Variants in REV1 observed in about 807,000 individuals in gnomAD.
The protein encoded by REV1 is REV1 DNA directed polymerase, also known as translesion synthesis protein REV1.
REV1 carries 42 observed loss-of-function variants against 137.4 expected under a neutral mutation model. The ratio of observed to expected loss-of-function variants is 0.31; its 90% CI spans 0.24 to 0.40. The LOEUF is 0.40. Among genes scored for constraint, REV1 ranks in the 10% least tolerant of loss-of-function variants. The pLI is 1.00. For synonymous variants in REV1, 524 were observed against 519.2 expected (o/e 1.01, Z -0.12); for missense variants, 1,282 against 1,490.1 (o/e 0.86, Z 2.30).
chr2:99,434,316 G>C lies in REV1; in HGVS notation c.1438+16C>G. 6.5e-7 allele frequency: 1 copy of C among 1,543,530 alleles called. No homozygotes were observed. Among genetic ancestry groups the C allele is most frequent in the Non-Finnish European group, 8.8e-7 (1 of 1,132,574 alleles). Reference sequence around the variant, plus strand: ...TCCACAGGAGCACTAAGACTTCAAAGAGAGCTCATTTGTACCTGCTTTGCC... The same window carrying C: ...TCCACAGGAGCACTAAGACTTCAAACAGAGCTCATTTGTACCTGCTTTGCC... On this transcript the variant is annotated intron_variant, in intron 8 of 22. Coordinates refer to ENST00000258428, the MANE Select transcript of REV1 (RefSeq NM_016316.4).
intron 12 of REV1, among the ~76,000 whole-genome samples, chr2:99,415,116 G>C (rs1006668860): frequency 6.6e-6 from 1 of 152,172 alleles, no homozygotes; most frequent in African/African-American, 2.4e-5. Context: ...CTCCTATTGA[G>C]TGGGGGTGGG....
chr2:99,464,565 T>A (rs1684593247), intron 2 of REV1, among the ~76,000 whole-genome samples: 1 of 152,220 alleles, frequency 6.6e-6, no homozygotes, highest in African/African-American at 2.4e-5. Context: ...TAAAGCTGAA[T>A]AATGACTGTA....
At position 99,466,324 on chromosome 2, in the gene REV1, C is replaced by T. The variant is rs541545253; in HGVS notation, c.-10-1339G>A. Among the ~76,000 whole-genome samples, 86 of 150,586 alleles carry T rather than the reference C, an allele frequency of 5.7e-4. 1 individual carries two copies. Among genetic ancestry groups the T allele is most frequent in the Admixed American group, 5.6e-3 (84 of 15,086 alleles). On this transcript the variant is annotated intron_variant, in intron 1 of 22. Transcript: ENST00000258428. ...GTGGCACGATCTCGGCTCACAACCA[C>T]CTCCGCCTCCCGGGTTCAAGTGATT...
At chr2:99,471,681 A>G (rs1381489763) in intron 1 of REV1, among the ~76,000 whole-genome samples, 3 of 152,116 alleles carry the variant, frequency 2.0e-5, no homozygotes, top group African/African-American at 7.2e-5. Flanking sequence ...ACACTTACCA[A>G]TATAAAGAAC....
intron 3 of REV1, among the ~76,000 whole-genome samples, chr2:99,450,820 G>A (rs1394151336): frequency 6.6e-6 from 1 of 152,040 alleles, no homozygotes; most frequent in Non-Finnish European, 1.5e-5. Context: ...AATCCAGTGG[G>A]TATTTTACAT....
At chr2:99,447,706 A>G (rs1401907744) in intron 4 of REV1, among the ~76,000 whole-genome samples, 2 of 151,610 alleles carry the variant, frequency 1.3e-5, no homozygotes, top group Admixed American at 1.3e-4. Context: ...GTCCTGAGTG[A>G]CTGCATAAAG....
rs142397096 is a variant in REV1, at chr2:99,410,642, C to T, written c.2345+53G>A. 7.4e-3 allele frequency: 10,661 copies of T among 1,443,932 alleles called. 46 individuals carry two copies. The highest frequency in any genetic ancestry group is 8.8e-3 in the Non-Finnish European group (9,359 of 1,069,458). 89.4% of individuals were successfully genotyped at this position (1,443,932 alleles called of 1,614,324 possible). On this transcript the variant is annotated intron_variant, in intron 14 of 22. Transcript: ENST00000258428. ...GGTTTTCTTCATTTTCTATTACTTACAACAACCTGTACTGAAATATAATTA... is the reference window on the plus strand; with the variant it reads ...GGTTTTCTTCATTTTCTATTACTTATAACAACCTGTACTGAAATATAATTA...
At chr2:99,420,107 A>G (rs1457835657) in intron 11 of REV1, among the ~76,000 whole-genome samples, 1 of 152,248 alleles carries the variant, frequency 6.6e-6, no homozygotes, top group Non-Finnish European at 1.5e-5. Context: ...TGTGCCTGAC[A>G]ATGGAATATA....
chr2:99,432,530 C>A (rs945056654), intron 8 of REV1, among the ~76,000 whole-genome samples: 7 of 152,124 alleles, frequency 4.6e-5, no homozygotes, highest in African/African-American at 1.7e-4. Context: ...AAAGGATAAT[C>A]TATTCATTTT....
chr2:99,468,779 AC>A, intron 1 of REV1, among the ~76,000 whole-genome samples: 1 of 152,180 alleles, frequency 6.6e-6, no homozygotes, highest in Non-Finnish European at 1.5e-5. Context: ...ATGCAAAAGT[AC>A]CCTTACCCTT....
upstream of REV1, chr2:99,490,092 C>CGCCCACGCCCCCTCCGCGGCCCA (rs1165996201): frequency 6.7e-6 from 1 of 149,630 alleles, no homozygotes; most frequent in African/African-American, 2.4e-5. Flanking sequence ...TCCCCGGCCC[C>CGCCCACGCCCCCTCCGCGGCCCA]GCTCGCGCTC....
chr2:99,455,492 C>A (rs1399884200), intron 3 of REV1, among the ~76,000 whole-genome samples: 1 of 152,112 alleles, frequency 6.6e-6, no homozygotes, highest in Non-Finnish European at 1.5e-5. Flanking sequence ...GTTTCAAATG[C>A]TTAGGGAACA....
chr2:99,482,474 T>C (rs565001534), intron 1 of REV1, among the ~76,000 whole-genome samples: 2 of 152,322 alleles, frequency 1.3e-5, no homozygotes, highest in South Asian at 4.1e-4. Context: ...CTGCAAGTCC[T>C]GGAGTTTGTA....
At chr2:99,410,962 T>C in intron 13 of REV1, 95 bp from the exon 14 acceptor site, 5 of 1,184,876 alleles carry the variant, frequency 4.2e-6, no homozygotes. Flanking sequence ...TTAAACATGT[T>C]GGTTACTCAC....
rs371935316 is a variant in REV1, at chr2:99,471,816, C to T, written c.-10-6831G>A. On this transcript the variant is annotated intron_variant, in intron 1 of 22. Transcript: ENST00000258428. ...AAGCACACAAAAAAACGTTCAGTGT[C>T]ATTAATCACTATGGAAATGCAAATA... Among the ~76,000 whole-genome samples the T allele has an allele frequency of 2.0e-4, 29 of 145,798 alleles. No homozygotes were observed. The East Asian group carries it at 4.3e-3, about 22-fold the overall frequency.
Position 99,443,307 on chromosome 2 carries a change from A to G in REV1, c.351-838T>C, listed in dbSNP as rs529114126. Among the ~76,000 whole-genome samples, 202 of 152,344 alleles carry G rather than the reference A, an allele frequency of 1.3e-3. 1 individual carries two copies. The highest frequency in any genetic ancestry group is 4.6e-3 in the African/African-American group (190 of 41,592). On this transcript the variant is annotated intron_variant, in intron 4 of 22. Transcript: ENST00000258428. Reference sequence around the variant, plus strand: ...GGATTTTAAACCTAAAATATATACCAAGGAATCATCCCTCAGTTATTTAGA... The same window carrying G: ...GGATTTTAAACCTAAAATATATACCGAGGAATCATCCCTCAGTTATTTAGA...
intron 1 of REV1, among the ~76,000 whole-genome samples, chr2:99,471,353 T>G (rs955246488): frequency 2.0e-5 from 3 of 152,180 alleles, no homozygotes; most frequent in African/African-American, 7.2e-5. Context: ...GACAATCTTT[T>G]CAACAAATGG....
In REV1 at chr2:99,449,478, G is replaced by T. The variant is rs1280929835; in HGVS notation, c.208C>A (p.Leu70Ile). The T allele has an allele frequency of 2.0e-6, 3 of 1,496,234 alleles. No individual in the cohort carries two copies. In the African/African-American group the frequency reaches 4.3e-5, roughly 22 times the overall value. The allele number at this position is 1,496,234 out of a possible 1,614,324, so 92.7% of individuals were successfully genotyped here. The part of the protein sequence containing the change: ...TDPSAEELRK[L>I]MMLHGGQYHV... The stretch of plus-strand genomic sequence containing the variant: ...TATTGACCTCCATGCAACATCATTA[G>T]TTTTCTCAATTCCTCAGCGGAAGGA... Residue 70 changes from leucine to isoleucine, a missense_variant, in exon 4 of 23, where the codon CTA becomes ATA. Transcript: ENST00000258428.
At chr2:99,486,301 G>A (rs1288144588) in intron 1 of REV1, among the ~76,000 whole-genome samples, 3 of 152,214 alleles carry the variant, frequency 2.0e-5, no homozygotes, top group Non-Finnish European at 2.9e-5. Context: ...AGGCTGAGGC[G>A]GGCGGATCAC....
Sources: allele counts gnomAD v4.1 joint callset (sites outside exome capture counted in the v4.1 genomes callset), GRCh38; gene constraint gnomAD v4.1.1; transcripts MANE v1.5; gene names NCBI Gene and HGNC (gene_info 2026-07-23, HGNC 2026-07-21).